FLT4: variants seen among roughly 807,000 people sequenced by gnomAD.
FLT4 encodes the protein vascular endothelial growth factor receptor 3.
In FLT4, 30 loss-of-function variants were observed where a neutral mutation model predicts 163.2. That is an observed-to-expected ratio of 0.18 (90% CI 0.14 to 0.25). The LOEUF (loss-of-function observed/expected upper bound fraction) is 0.25. Ranked by LOEUF, FLT4 falls within the 10% of genes least tolerant of loss-of-function variation. The pLI is 1.00. For synonymous variants in FLT4, 884 were observed against 789.5 expected (o/e 1.12, Z -2.01); for missense variants, 1,510 against 1,863.8 (o/e 0.81, Z 3.50).
chr5:180,650,169 C>CAAAAAA (rs397719371), upstream of FLT4, among the ~76,000 whole-genome samples: 1 of 82,294 alleles, frequency 1.2e-5, no homozygotes, highest in Non-Finnish European at 2.2e-5. Flanking sequence ...GTCTGGGAGC[C>CAAAAAA]AAAAAAAAAA....
intron 29 of FLT4, chr5:180,608,363 C>A (rs753770304): frequency 1.4e-6 from 1 of 700,134 alleles, no homozygotes; most frequent in Admixed American, 2.0e-5. Flanking sequence ...ACCCTCCTGA[C>A]CCTGCCCCCT....
chr5:180,605,875 T>C (rs928359936), intron 29 of FLT4, among the ~76,000 whole-genome samples: 4 of 152,094 alleles, frequency 2.6e-5, no homozygotes, highest in African/African-American at 9.7e-5. Flanking sequence ...GCATCCTAAG[T>C]GGGTACTGAA....
At position 180,601,574 on chromosome 5, in the gene FLT4, T is replaced by G. The variant is rs944594789; in HGVS notation, c.*1618A>C. ...CTTGTTAAATATTTTCGATCTTTTCTCAGAACATGGTCTAGAAGGGCATAG... is the reference window on the plus strand; with the variant it reads ...CTTGTTAAATATTTTCGATCTTTTCGCAGAACATGGTCTAGAAGGGCATAG... On this transcript the variant is annotated 3_prime_UTR_variant, in exon 30 of 30. Transcript: ENST00000261937. The G allele has an allele frequency of 1.7e-5, 4 of 233,184 alleles. No homozygotes were observed. Among genetic ancestry groups the G allele is most frequent in the South Asian group, 1.8e-4 (1 of 5,524 alleles). 14.4% of individuals were successfully genotyped at this position (233,184 alleles called of 1,614,324 possible).
chr5:180,632,770 G>A (rs1477801082), intron 1 of FLT4, among the ~76,000 whole-genome samples: 1 of 152,170 alleles, frequency 6.6e-6, no homozygotes, highest in Non-Finnish European at 1.5e-5. Flanking sequence ...TCTCGGACAT[G>A]CTGGCGTGTG....
chr5:180,620,670 G>A lies in FLT4; in HGVS notation c.2345C>T (p.Thr782Ile), dbSNP rs751208910. Reference sequence around the variant, plus strand: ...CCAGAAGAAGACAGCGATGACGCCGGTACCGACAAGGATCACGATCTCCAT... The same window carrying A: ...CCAGAAGAAGACAGCGATGACGCCGATACCGACAAGGATCACGATCTCCAT... ...GSMEIVILVG[T>I]GVIAVFFWVL... Residue 782 changes from threonine to isoleucine, a missense_variant, in exon 16 of 30, where the codon ACC becomes ATC. By Grantham distance (89) the Thr-to-Ile change is moderately conservative. Around this residue, in one of 5 missense-constraint regions of FLT4, gnomAD observed 878 missense variants for 1,016.7 expected, o/e 0.86. Coordinates refer to ENST00000261937, the MANE Select transcript of FLT4 (RefSeq NM_182925.5). This position sits in a 1 kb window ranked among gnomAD's most constrained non-coding sequence, Gnocchi z 4.4. The A allele has an allele frequency of 1.9e-6, 3 of 1,613,568 alleles. No homozygotes were observed. Among genetic ancestry groups the A allele is most frequent in the South Asian group, 1.1e-5 (1 of 91,080 alleles).
chr5:180,637,458 C>G (rs375228100), intron 1 of FLT4, among the ~76,000 whole-genome samples: 1 of 152,212 alleles, frequency 6.6e-6, no homozygotes, highest in Non-Finnish European at 1.5e-5. Flanking sequence ...GGCCCTCCAT[C>G]GTGCCCAGGG....
At chr5:180,606,438 G>A (rs536991696) in intron 29 of FLT4, among the ~76,000 whole-genome samples, 48 of 152,292 alleles carry the variant, frequency 3.2e-4, no homozygotes, top group African/African-American at 1.0e-3. Context: ...CCTCTCACGG[G>A]ACGGCCCTAT....
chr5:180,609,130 G>A (rs1233061485), intron 28 of FLT4, 77 bp from the exon 29 acceptor site: 12 of 1,225,644 alleles, frequency 9.8e-6, no homozygotes, highest in Non-Finnish European at 1.3e-5. Flanking sequence ...AGCCAGGAAA[G>A]TGCGGCATGG....
chr5:180,639,135 G>T (rs1240821376), intron 1 of FLT4, among the ~76,000 whole-genome samples: 1 of 148,170 alleles, frequency 6.7e-6, no homozygotes, highest in Non-Finnish European at 1.5e-5. Context: ...GGATGCATGG[G>T]TGGGTGGAGG....
intron 10 of FLT4, among the ~76,000 whole-genome samples, chr5:180,624,497 G>A (rs575107331): frequency 1.3e-5 from 2 of 152,210 alleles, no homozygotes; most frequent in African/African-American, 4.8e-5. Flanking sequence ...CAAAGCGCTG[G>A]GATTACAGGC....
chr5:180,616,910 G>A lies in FLT4; in HGVS notation c.3086C>T (p.Ala1029Val). The A allele has an allele frequency of 6.2e-7, 1 of 1,613,020 alleles. No homozygotes were observed. The change falls in exon 22 of 30, where the codon GCT becomes GTT. Residue 1029 changes from alanine (A) to valine (V), a missense_variant. Around this residue, in one of 5 missense-constraint regions of FLT4, gnomAD observed 878 missense variants for 1,016.7 expected, o/e 0.86. Coordinates refer to ENST00000261937, the MANE Select transcript of FLT4 (RefSeq NM_182925.5). Reference protein sequence around the residue: ...FQVARGMEFLASRKCIHRDLA... With the variant: ...FQVARGMEFLVSRKCIHRDLA... Reference sequence around the variant, plus strand: ...TCGGGGGAAGCTCACCTTTCGGGAAGCCAGGAACTCCATCCCTCTGGCCAC... The same window carrying A: ...TCGGGGGAAGCTCACCTTTCGGGAAACCAGGAACTCCATCCCTCTGGCCAC...
intron 19 of FLT4, 26 bp from the exon 20 acceptor site, chr5:180,619,135 T>G (rs1037472916): frequency 6.8e-7 from 1 of 1,468,338 alleles, no homozygotes; most frequent in Non-Finnish European, 9.0e-7. Context: ...GCGGCGGCCG[T>G]GCGTTCGGAA....
Position 180,616,870 on chromosome 5 carries a change from C to T in FLT4, c.3096+30G>A, listed in dbSNP as rs761809476. 32 of 1,572,206 alleles carry T rather than the reference C, an allele frequency of 2.0e-5. No homozygotes were observed. In the South Asian group the frequency reaches 3.4e-4, roughly 17 times the overall value. Reference sequence around the variant, plus strand: ...CGACTGGTGGGGATGCACCCTTTTCCCGTCTGAAGGGCCTTCGGGGGAAGC... The same window carrying T: ...CGACTGGTGGGGATGCACCCTTTTCTCGTCTGAAGGGCCTTCGGGGGAAGC... On this transcript the variant is annotated intron_variant, in intron 22 of 29. Coordinates refer to ENST00000261937, the MANE Select transcript of FLT4 (RefSeq NM_182925.5).
intron 2 of FLT4, among the ~76,000 whole-genome samples, chr5:180,631,132 G>A (rs1256951384): frequency 6.6e-6 from 1 of 152,074 alleles, no homozygotes; most frequent in Non-Finnish European, 1.5e-5. Flanking sequence ...TGGGGTCAGT[G>A]TGAGGTGTCA....
At chr5:180,607,017 GC>G (rs1761839911) in intron 29 of FLT4, among the ~76,000 whole-genome samples, 1 of 152,184 alleles carries the variant, frequency 6.6e-6, no homozygotes, top group Non-Finnish European at 1.5e-5. Flanking sequence ...GGTGGAGGTT[GC>G]GGTGAGCCGA....
rs753074837 is a variant in FLT4 at position 180,625,971 on chromosome 5, C to T, written c.1319G>A (p.Arg440His). 7.4e-6 allele frequency: 12 copies of T among 1,612,598 alleles called. No individual in the cohort carries two copies. Among genetic ancestry groups the T allele is most frequent in the East Asian group, 2.2e-5 (1 of 44,898 alleles). ...GTAGGCCGTGCAGGTGAGGGCCTGG[C>T]GGCTGTGACGCGAGTAGATGCTGGG... ...SSPSIYSRHS[R>H]QALTCTAYGV... The change falls in exon 10 of 30, where the codon CGC becomes CAC. Residue 440 changes from arginine (R) to histidine (H), a missense_variant. This residue lies in a region of FLT4 where 878 missense variants were observed against 1,016.7 expected (regional missense o/e 0.86). Coordinates refer to ENST00000261937, the MANE Select transcript of FLT4 (RefSeq NM_182925.5).
In FLT4 at chr5:180,619,274, C is replaced by G. The variant is rs2127808303; in HGVS notation, c.2740G>C (p.Gly914Arg). The stretch of plus-strand genomic sequence containing the variant: ...GTACCCTGCGGCTTGGTGCACGCCC[C>G]GAGGAGGTTGACCACGTTGAGGTGG... ...GNHLNVVNLLGACTKPQGPLM... is the reference protein window; with the variant it reads ...GNHLNVVNLLRACTKPQGPLM... Residue 914 changes from glycine to arginine, a missense_variant, in exon 19 of 30, where the codon GGG becomes CGG. This residue lies in a region of FLT4 where 878 missense variants were observed against 1,016.7 expected (regional missense o/e 0.86). Coordinates refer to ENST00000261937, the MANE Select transcript of FLT4 (RefSeq NM_182925.5). The G allele has an allele frequency of 6.2e-7, 1 of 1,610,254 alleles. No individual in the cohort carries two copies. Among genetic ancestry groups the G allele is most frequent in the Non-Finnish European group, 8.5e-7 (1 of 1,179,088 alleles).
At chr5:180,617,087 C>T (rs112591963) in intron 21 of FLT4, 93 bp from the exon 22 acceptor site, 7 of 888,718 alleles carry the variant, frequency 7.9e-6, no homozygotes, top group Non-Finnish European at 1.1e-5. Flanking sequence ...ATGTCAGCCC[C>T]TCTCCTGCCC....
At chr5:180,645,970 G>A (rs1765471062) in intron 1 of FLT4, among the ~76,000 whole-genome samples, 1 of 152,152 alleles carries the variant, frequency 6.6e-6, no homozygotes, top group Non-Finnish European at 1.5e-5. Flanking sequence ...GGCCTTGGTG[G>A]AGAGAAAACT....
Sources: allele counts gnomAD v4.1 joint callset (sites outside exome capture counted in the v4.1 genomes callset), GRCh38; gene constraint gnomAD v4.1.1; regional missense constraint gnomAD v4.1.1; non-coding constraint Gnocchi (gnomAD v3.1); transcripts MANE v1.5; gene names NCBI Gene and HGNC (gene_info 2026-07-23, HGNC 2026-07-21).